Variants in LSAMP observed in about 807,000 individuals in gnomAD.
The protein encoded by LSAMP is limbic system associated membrane protein.
Under a neutral mutation model 38.6 loss-of-function variants are expected in LSAMP, and 7 were observed. The observed-to-expected ratio is 0.18, with a 90% CI of 0.10 to 0.34. LSAMP has a LOEUF of 0.34. LSAMP is among the 10% of genes least tolerant of loss of function. The pLI, the probability that LSAMP is intolerant of heterozygous loss-of-function variation, is 1.00. For missense variants in LSAMP, 313 were observed against 420.0 expected, an observed-to-expected ratio of 0.75 and a Z score of 2.23; for synonymous variants, 154 against 166.8, an observed-to-expected ratio of 0.92 and a Z score of 0.59.
chr3:115,950,875 G>C (rs561387452), intron 3 of LSAMP, among the ~76,000 whole-genome samples: 1 of 145,580 alleles, frequency 6.9e-6, no homozygotes, highest in South Asian at 2.2e-4. Context: ...CAAGGCTATA[G>C]TTACCAAAAC....
chr3:116,154,803 G>C (rs890635954), intron 1 of LSAMP, among the ~76,000 whole-genome samples: 2 of 151,938 alleles, frequency 1.3e-5, no homozygotes, highest in African/African-American at 4.8e-5. Context: ...CAATTCTTTT[G>C]GGGACTGGAA....
chr3:116,304,598 CA>C (rs1559821130), intron 1 of LSAMP, among the ~76,000 whole-genome samples: 4 of 151,814 alleles, frequency 2.6e-5, no homozygotes, highest in African/African-American at 7.3e-5. Context: ...CAAATGAAGA[CA>C]AAATAAAGGA....
At chr3:115,921,528 AT>A (rs1937382728) in intron 3 of LSAMP, among the ~76,000 whole-genome samples, 1 of 151,992 alleles carries the variant, frequency 6.6e-6, no homozygotes, top group Admixed American at 6.6e-5. Context: ...TATTTTTATA[AT>A]TATAATTATT....
intron 1 of LSAMP, among the ~76,000 whole-genome samples, chr3:116,236,041 C>T (rs888848798): frequency 6.6e-6 from 1 of 152,090 alleles, no homozygotes; most frequent in Non-Finnish European, 1.5e-5. Flanking sequence ...CATCTTTACA[C>T]TGCTTGTGTT....
At chr3:116,052,534 C>T (rs1669986821) in intron 2 of LSAMP, among the ~76,000 whole-genome samples, 1 of 152,118 alleles carries the variant, frequency 6.6e-6, no homozygotes, top group Non-Finnish European at 1.5e-5. Flanking sequence ...TCCGGACTGG[C>T]TTTAATGCCT....
intron 1 of LSAMP, among the ~76,000 whole-genome samples, chr3:116,414,104 A>G (rs546420903): frequency 6.6e-6 from 1 of 152,234 alleles, no homozygotes; most frequent in African/African-American, 2.4e-5. Flanking sequence ...TGCATCTTTA[A>G]GCAGGCTGTT....
At chr3:116,055,959 C>T (rs1458009989) in intron 2 of LSAMP, among the ~76,000 whole-genome samples, 1 of 148,646 alleles carries the variant, frequency 6.7e-6, no homozygotes. Context: ...AAAAGGATCC[C>T]TGCTTTTTTT....
intron 1 of LSAMP, among the ~76,000 whole-genome samples, chr3:116,092,634 C>T (rs993252003): frequency 2.0e-5 from 3 of 152,282 alleles, no homozygotes; most frequent in Non-Finnish European, 4.4e-5. Flanking sequence ...AAATCTTAAG[C>T]ATTGAATTTC....
At chr3:115,925,312 A>G (rs1255197374) in intron 3 of LSAMP, among the ~76,000 whole-genome samples, 2 of 152,188 alleles carry the variant, frequency 1.3e-5, no homozygotes, top group African/African-American at 2.4e-5. Context: ...TCAGCTGTTA[A>G]CACTACCACT....
At chr3:116,181,197 A>C (rs1281668535) in intron 1 of LSAMP, among the ~76,000 whole-genome samples, 1 of 152,022 alleles carries the variant, frequency 6.6e-6, no homozygotes, top group Admixed American at 6.6e-5. Context: ...TCAAATGACA[A>C]ATTTGAAAAA....
intron 1 of LSAMP, among the ~76,000 whole-genome samples, chr3:116,334,391 C>T (rs971924079): frequency 2.0e-5 from 3 of 152,130 alleles, no homozygotes; most frequent in South Asian, 2.1e-4. Context: ...ACTCATTCTA[C>T]GAAGCCAGCA....
rs544074801 is a variant in LSAMP at position 116,246,650 on chromosome 3, A to G, written c.156-160094T>C. Among the ~76,000 whole-genome samples the G allele has an allele frequency of 3.3e-5, 5 of 152,292 alleles. No homozygotes were observed. In the South Asian group the frequency reaches 1.0e-3, roughly 32 times the overall value. On this transcript the variant is annotated intron_variant, in intron 1 of 6. Coordinates refer to ENST00000490035, the MANE Select transcript of LSAMP (RefSeq NM_002338.5). ...GCACCGTGATAAACAACCCAACTGC[A>G]CATCATTCTCTTAGCTCCACAAGCA...
chr3:115,953,431 AC>A (rs1938356515), intron 3 of LSAMP, among the ~76,000 whole-genome samples: 1 of 151,882 alleles, frequency 6.6e-6, no homozygotes, highest in African/African-American at 2.4e-5. Context: ...ACACACACAC[AC>A]ACACACACAC....
At chr3:116,399,428 G>T (rs1337153509) in intron 1 of LSAMP, among the ~76,000 whole-genome samples, 1 of 152,096 alleles carries the variant, frequency 6.6e-6, no homozygotes, top group East Asian at 1.9e-4. Flanking sequence ...AGAAGAAACA[G>T]AATTGAGATG....
intron 3 of LSAMP, among the ~76,000 whole-genome samples, chr3:115,861,191 TTCCTTCC>T (rs1559855587): frequency 9.7e-6 from 1 of 102,576 alleles, no homozygotes; most frequent in Non-Finnish European, 1.9e-5. Context: ...CCTTCCTTCC[TTCCTTCC>T]TTCCTTCCTT....
intron 3 of LSAMP, among the ~76,000 whole-genome samples, chr3:115,965,087 A>G (rs921350394): frequency 2.6e-5 from 4 of 152,138 alleles, no homozygotes; most frequent in African/African-American, 9.6e-5. Context: ...ATGGCAAAAA[A>G]TACGATATGA....
At chr3:116,250,203 A>G (rs2046661267) in intron 1 of LSAMP, among the ~76,000 whole-genome samples, 1 of 152,186 alleles carries the variant, frequency 6.6e-6, no homozygotes, top group African/African-American at 2.4e-5. Context: ...CCCTAATCTT[A>G]GTTTAAATAC....
chr3:115,962,724 C>CA (rs1280615734), intron 3 of LSAMP, among the ~76,000 whole-genome samples: 1 of 152,156 alleles, frequency 6.6e-6, no homozygotes, highest in African/African-American at 2.4e-5. Flanking sequence ...GGGAAAGGGC[C>CA]AAGAGCATAG....
chr3:115,889,414 G>C (rs1396323859), intron 3 of LSAMP, among the ~76,000 whole-genome samples: 2 of 151,860 alleles, frequency 1.3e-5, no homozygotes, highest in Non-Finnish European at 2.9e-5. Flanking sequence ...GGATTCTGGT[G>C]CTCCAATTGG....
Sources: gnomAD v4.1 joint callset for allele counts (sites outside exome capture counted in the v4.1 genomes callset) on GRCh38, gnomAD v4.1.1 for gene constraint, MANE v1.5 for transcripts, NCBI Gene and HGNC (gene_info 2026-07-23, HGNC 2026-07-21) for gene names.